RAB11FIP5: variants seen among roughly 807,000 people sequenced by gnomAD.
RAB11FIP5 encodes the protein RAB11 family interacting protein 5.
In RAB11FIP5, 48 loss-of-function variants were observed where a neutral mutation model predicts 85.1. That is an observed-to-expected ratio of 0.56 (90% CI 0.45 to 0.72). The LOEUF is 0.72. RAB11FIP5 is among the 30% of genes least tolerant of loss of function. The pLI, the probability that RAB11FIP5 is intolerant of heterozygous loss-of-function variation, is 0.00. For missense variants in RAB11FIP5, 1,491 were observed against 1,687.0 expected (o/e 0.88, Z 2.04); for synonymous variants, 729 against 727.3 (o/e 1.00, Z -0.04).
chr2:73,088,205 G>A lies in RAB11FIP5; in HGVS notation c.1413C>T (p.Gly471=). Reference sequence around the variant, plus strand: ...GGCGACCCAACTCGCTCCGACTTAGGCCTTGGTGGTGGTGGTGGAAGAGAC... The same window carrying A: ...GGCGACCCAACTCGCTCCGACTTAGACCTTGGTGGTGGTGGTGGAAGAGAC... ...RMGLFHHHHQ[G]LSRSELGRRS... The change falls in exon 3 of 6, where the codon GGC becomes GGT. Residue 471 remains glycine, a synonymous_variant. Coordinates refer to ENST00000486777, the MANE Select transcript of RAB11FIP5 (RefSeq NM_001371272.1). 1 of 1,613,922 alleles carries A rather than the reference G, an allele frequency of 6.2e-7. No homozygotes were observed. The highest frequency in any genetic ancestry group is 1.3e-5 in the African/African-American group (1 of 75,032).
intron 1 of RAB11FIP5, among the ~76,000 whole-genome samples, chr2:73,105,634 A>T (rs1172535993): frequency 6.6e-6 from 1 of 152,126 alleles, no homozygotes; most frequent in Non-Finnish European, 1.5e-5. Flanking sequence ...ACATAAGGCT[A>T]GAGCTGCAGA....
At chr2:73,108,672 AAACT>A (rs1467222914) in intron 1 of RAB11FIP5, among the ~76,000 whole-genome samples, 1 of 152,240 alleles carries the variant, frequency 6.6e-6, no homozygotes, top group Admixed American at 6.5e-5. Context: ...GGAACAAGGA[AAACT>A]AACTAACCAC....
intron 1 of RAB11FIP5, 89 bp downstream of exon 1, chr2:73,112,258 G>A (rs1169644367): frequency 2.0e-5 from 27 of 1,343,036 alleles, no homozygotes; most frequent in Middle Eastern, 1.9e-4. Context: ...GGGCTCACTG[G>A]CCCGGCTGAA....
chr2:73,092,662 G>C (rs1214445090), intron 1 of RAB11FIP5, among the ~76,000 whole-genome samples: 3 of 152,158 alleles, frequency 2.0e-5, no homozygotes, highest in African/African-American at 7.2e-5. Context: ...GTTCTGCCCA[G>C]CCCTCCCCCA....
In RAB11FIP5 at chr2:73,079,735, TCCTC is replaced by T; in HGVS notation, c.3493_3496del (p.Glu1165ThrfsTer33). On this transcript the variant is annotated frameshift_variant, in exon 4 of 6. Coordinates refer to ENST00000486777, the MANE Select transcript of RAB11FIP5 (RefSeq NM_001371272.1). LOFTEE classifies it high-confidence loss of function. ...GGAGGCTGGGGTGGCTGCAGCGAGG[TCCTC>T]CCTAAGTAGGGCAGGGGAGCCCCCA... The T allele has an allele frequency of 1.6e-6, 2 of 1,232,786 alleles. No homozygotes were observed. Among genetic ancestry groups the T allele is most frequent in the Non-Finnish European group, 2.0e-6 (2 of 988,674 alleles). 76.4% of individuals were successfully genotyped at this position (1,232,786 alleles called of 1,614,324 possible).
chr2:73,080,935 G>A lies in RAB11FIP5; in HGVS notation c.2297C>T (p.Pro766Leu). Residue 766 changes from proline (P) to leucine (L), a missense_variant, in exon 4 of 6, where the codon CCA (proline) becomes CTA (leucine). Physicochemically the swap from Pro to Leu is moderately conservative, Grantham distance 98. Around this residue, in one of 3 missense-constraint regions of RAB11FIP5, gnomAD observed 1,211 missense variants for 1,338.0 expected, o/e 0.91. Transcript: ENST00000486777. ...QLQLRASGSE[P>L]DRELPAPEVE... is the part of the protein sequence containing the mutation. ...TTCCGGGGCTGGCAGTTCCCTGTCT[G>A]GTTCTGAGCCTGAGGCTCTCAGCTG... 1 of 1,232,652 alleles carries A rather than the reference G, an allele frequency of 8.1e-7. No homozygotes were observed. 76.4% of individuals were successfully genotyped at this position (1,232,652 alleles called of 1,614,324 possible).
At chr2:73,098,295 G>A (rs977900220) in intron 1 of RAB11FIP5, among the ~76,000 whole-genome samples, 6 of 152,176 alleles carry the variant, frequency 3.9e-5, no homozygotes, top group African/African-American at 1.4e-4. Flanking sequence ...AAAAGAAATG[G>A]TCACTGGAGC....
intron 1 of RAB11FIP5, among the ~76,000 whole-genome samples, chr2:73,091,930 G>A (rs1396841988): frequency 2.6e-5 from 4 of 152,126 alleles, no homozygotes; most frequent in South Asian, 2.1e-4. Context: ...GAAAATGCCC[G>A]AGCGGGTGCC....
At chr2:73,082,291 A>T (rs1683999444) in intron 3 of RAB11FIP5, among the ~76,000 whole-genome samples, 1 of 152,160 alleles carries the variant, frequency 6.6e-6, no homozygotes, top group African/African-American at 2.4e-5. Context: ...TACAAACATG[A>T]GCCACTAAGC....
At position 73,089,689 on chromosome 2, in the gene RAB11FIP5, C is replaced by T. The variant is rs1684170790; in HGVS notation, c.432-374G>A. 1 of 356,132 alleles carries T rather than the reference C, an allele frequency of 2.8e-6. No individual in the cohort carries two copies. Among genetic ancestry groups the T allele is most frequent in the Non-Finnish European group, 5.4e-6 (1 of 184,788 alleles). The allele number at this position is 356,132 out of a possible 1,614,324, so 22.1% of individuals were successfully genotyped here. On this transcript the variant is annotated intron_variant, in intron 1 of 5. Coordinates refer to ENST00000486777, the MANE Select transcript of RAB11FIP5 (RefSeq NM_001371272.1). The surrounding 1 kb of genome is among the most constrained non-coding windows in gnomAD (Gnocchi z 4.6). ...GAGGCCCAGAGGGGTGAGGCTGGGCCTGGGAGAGCCCTCCCATCTCCAGGC... is the reference window on the plus strand; with the variant it reads ...GAGGCCCAGAGGGGTGAGGCTGGGCTTGGGAGAGCCCTCCCATCTCCAGGC...
In RAB11FIP5 at chr2:73,080,222, T is replaced by G; in HGVS notation, c.3010A>C (p.Ile1004Leu). The change falls in exon 4 of 6, where the codon ATA becomes CTA. Residue 1004 changes from isoleucine to leucine, a missense_variant. Ile to Leu is a conservative substitution (Grantham distance 5). Around this residue, in one of 3 missense-constraint regions of RAB11FIP5, gnomAD observed 1,211 missense variants for 1,338.0 expected, o/e 0.91. Transcript: ENST00000486777. ...PASCPEGPAPIPCHSKSLALQ... is the reference protein window; with the variant it reads ...PASCPEGPAPLPCHSKSLALQ... ...GCCAAGCTCTTTGAGTGACAGGGTA[T>G]GGGGGCAGGACCCTCAGGGCAGCTG... The G allele has an allele frequency of 8.1e-7, 1 of 1,232,424 alleles. No homozygotes were observed. The highest frequency in any genetic ancestry group is 4.1e-5 in the South Asian group (1 of 24,322). The allele number at this position is 1,232,424 out of a possible 1,614,324, so 76.3% of individuals were successfully genotyped here.
rs1684136031 is a variant in RAB11FIP5 at position 73,088,439 on chromosome 2, G to A, written c.1179C>T (p.Ser393=). The A allele has an allele frequency of 1.2e-6, 2 of 1,613,854 alleles. No individual in the cohort carries two copies. The highest frequency in any genetic ancestry group is 1.7e-6 in the Non-Finnish European group (2 of 1,180,036). ...TDDTWPRGSR[S]NSSSEAVLGQ... is the part of the protein sequence containing the mutation. ...CAAGCACTGCCTCTGAGCTGCTGTT[G>A]CTACGACTGCCTCTGGGCCAGGTGT... The change falls in exon 3 of 6, where the codon AGC becomes AGT. Residue 393 remains serine (S), a synonymous_variant. Coordinates refer to ENST00000486777, the MANE Select transcript of RAB11FIP5 (RefSeq NM_001371272.1).
rs769882834 is a variant in RAB11FIP5, at chr2:73,088,947, T to C, written c.800A>G (p.Tyr267Cys). Residue 267 changes from tyrosine (Y) to cysteine (C), a missense_variant, in exon 2 of 6, where the codon TAC becomes TGC. By Grantham distance (194) the Tyr-to-Cys change is radical. Around this residue, in one of 3 missense-constraint regions of RAB11FIP5, gnomAD observed 1,211 missense variants for 1,338.0 expected, o/e 0.91. Transcript: ENST00000486777. ...GAGGAGTTCGGCGCCAGGTCCCTGG[T>C]AGGCCAAGCTCCCGCTGGCTGAGGA... Reference protein sequence around the residue: ...TLSSASGSLAYQGPGAELLTR... With the variant: ...TLSSASGSLACQGPGAELLTR... 1 of 1,611,566 alleles carries C rather than the reference T, an allele frequency of 6.2e-7. No homozygotes were observed. Among genetic ancestry groups the C allele is most frequent in the East Asian group, 2.2e-5 (1 of 44,842 alleles).
intron 1 of RAB11FIP5, among the ~76,000 whole-genome samples, chr2:73,109,102 G>A (rs1339873529): frequency 6.6e-6 from 1 of 152,148 alleles, no homozygotes; most frequent in East Asian, 1.9e-4. Flanking sequence ...TCGCAGAGAA[G>A]CATCCAGGAT....
At chr2:73,098,244 C>G (rs1224358480) in intron 1 of RAB11FIP5, among the ~76,000 whole-genome samples, 1 of 152,194 alleles carries the variant, frequency 6.6e-6, no homozygotes, top group Non-Finnish European at 1.5e-5. Flanking sequence ...AATCTGAAAT[C>G]TGAAATGCTC....
intron 1 of RAB11FIP5, among the ~76,000 whole-genome samples, chr2:73,110,232 C>T (rs1213784285): frequency 6.6e-6 from 1 of 152,180 alleles, no homozygotes; most frequent in Non-Finnish European, 1.5e-5. Flanking sequence ...GAGGGTACAC[C>T]CTGGTCTTCT....
intron 1 of RAB11FIP5, among the ~76,000 whole-genome samples, chr2:73,093,316 T>C (rs1459165580): frequency 6.6e-6 from 1 of 152,102 alleles, no homozygotes; most frequent in Non-Finnish European, 1.5e-5. Context: ...GTCCCTCCTC[T>C]TTCTGACCAG....
intron 1 of RAB11FIP5, among the ~76,000 whole-genome samples, chr2:73,091,033 C>T (rs1360493710): frequency 1.3e-5 from 2 of 152,036 alleles, no homozygotes; most frequent in African/African-American, 4.8e-5. Context: ...TTTCTGTAAA[C>T]TTAAAACTGC....
intron 1 of RAB11FIP5, among the ~76,000 whole-genome samples, chr2:73,110,943 G>T (rs2106127857): frequency 6.6e-6 from 1 of 152,248 alleles, no homozygotes; most frequent in Non-Finnish European, 1.5e-5. Flanking sequence ...AGATCCAGGA[G>T]AGAGCTTTTC....
Sources: gnomAD v4.1 joint callset for allele counts (sites outside exome capture counted in the v4.1 genomes callset) on GRCh38, gnomAD v4.1.1 for gene constraint, gnomAD v4.1.1 regional missense constraint, Gnocchi (gnomAD v3.1) non-coding constraint, MANE v1.5 for transcripts, NCBI Gene and HGNC (gene_info 2026-07-23, HGNC 2026-07-21) for gene names.